Variants in PTPRT observed in about 807,000 individuals in gnomAD.
PTPRT encodes protein tyrosine phosphatase receptor type T, also known as receptor-type tyrosine-protein phosphatase T.
In PTPRT, 56 loss-of-function variants were observed where a neutral mutation model predicts 176.8. The ratio of observed to expected loss-of-function variants is 0.32; its 90% CI spans 0.26 to 0.40. The LOEUF (loss-of-function observed/expected upper bound fraction) is 0.40, where lower values mean the gene tolerates loss of function less well. PTPRT is among the 10% of genes least tolerant of loss of function. The pLI, the probability that PTPRT is intolerant of heterozygous loss-of-function variation, is 1.00. For synonymous variants in PTPRT, 783 were observed against 739.0 expected (o/e 1.06, Z -0.96); for missense variants, 1,540 against 1,908.2 (o/e 0.81, Z 3.60).
intron 27 of PTPRT, among the ~76,000 whole-genome samples, chr20:42,088,416 C>T (rs1018583084): frequency 8.5e-5 from 13 of 152,162 alleles, no homozygotes; most frequent in African/African-American, 3.1e-4. Context: ...CCATCTCACC[C>T]TGAGAAGTCA....
chr20:42,280,112 T>A (rs903271223), intron 13 of PTPRT, among the ~76,000 whole-genome samples: 1 of 151,448 alleles, frequency 6.6e-6, no homozygotes, highest in Non-Finnish European at 1.5e-5. Flanking sequence ...GGAAATTTGA[T>A]CCGGGTGGTC....
At chr20:42,340,160 C>T (rs2058092333) in intron 11 of PTPRT, among the ~76,000 whole-genome samples, 1 of 152,156 alleles carries the variant, frequency 6.6e-6, no homozygotes, top group African/African-American at 2.4e-5. Context: ...AACCAATGAA[C>T]TGAAGCTTTA....
chr20:42,105,396 C>A (rs1281126277), intron 24 of PTPRT, among the ~76,000 whole-genome samples: 4 of 152,102 alleles, frequency 2.6e-5, no homozygotes, highest in African/African-American at 9.7e-5. Flanking sequence ...ATATCTTCTC[C>A]TATCTCAATT....
chr20:42,119,799 C>T (rs1410255203), intron 20 of PTPRT, 136 bp downstream of exon 20: 2 of 742,332 alleles, frequency 2.7e-6, no homozygotes, highest in Non-Finnish European at 4.3e-6. Flanking sequence ...TTCCTCTCCT[C>T]CAGGGCTGTT....
chr20:43,101,860 T>C (rs1329414878), intron 1 of PTPRT, among the ~76,000 whole-genome samples: 2 of 152,220 alleles, frequency 1.3e-5, no homozygotes. Flanking sequence ...AGATTATTGA[T>C]TATCTTCATC....
chr20:42,107,098 C>T (rs1986523402), intron 23 of PTPRT, among the ~76,000 whole-genome samples, 177 bp from the exon 24 acceptor site: 1 of 152,234 alleles, frequency 6.6e-6, no homozygotes, highest in Non-Finnish European at 1.5e-5. Context: ...CACACATATA[C>T]ATGCCATTGC....
intron 7 of PTPRT, among the ~76,000 whole-genome samples, chr20:42,634,121 ATT>A (rs2074541099): frequency 1.7e-5 from 1 of 58,592 alleles, no homozygotes; most frequent in Non-Finnish European, 2.8e-5. Flanking sequence ...AATATAATAT[ATT>A]ATATATATAA....
chr20:42,823,875 A>T (rs185585448), intron 2 of PTPRT, among the ~76,000 whole-genome samples: 1 of 152,104 alleles, frequency 6.6e-6, no homozygotes, highest in East Asian at 1.9e-4. Context: ...CCTAAAAAAA[A>T]CACAAGCATC....
chr20:42,161,261 G>T, intron 17 of PTPRT, 91 bp downstream of exon 17: 1 of 1,458,688 alleles, frequency 6.9e-7, no homozygotes, highest in Non-Finnish European at 9.6e-7. Flanking sequence ...GAGGCTGCTG[G>T]CCAGGGAGCC....
chr20:42,321,079 T>C (rs925844434), intron 11 of PTPRT, among the ~76,000 whole-genome samples: 3 of 152,214 alleles, frequency 2.0e-5, no homozygotes, highest in Non-Finnish European at 2.9e-5. Flanking sequence ...ATCAGAGACC[T>C]ATTTTATCAA....
At chr20:43,023,238 G>A (rs961068713) in intron 1 of PTPRT, among the ~76,000 whole-genome samples, 1 of 152,126 alleles carries the variant, frequency 6.6e-6, no homozygotes, top group Non-Finnish European at 1.5e-5. Flanking sequence ...CCCAAACAAG[G>A]TAGATTGCTC....
intron 2 of PTPRT, among the ~76,000 whole-genome samples, chr20:42,819,337 AG>A (rs1198122932): frequency 6.6e-6 from 1 of 152,202 alleles, no homozygotes; most frequent in Non-Finnish European, 1.5e-5. Context: ...AATCCTTCCC[AG>A]ACAAGCAAAT....
At chr20:42,201,728 G>A (rs929139778) in intron 15 of PTPRT, among the ~76,000 whole-genome samples, 1 of 90,192 alleles carries the variant, frequency 1.1e-5, no homozygotes, top group African/African-American at 5.6e-5. Flanking sequence ...GAGAACCAGA[G>A]GCAAAAAAAA....
In PTPRT at chr20:42,797,796, T is replaced by G. The variant is rs529595089; in HGVS notation, c.215-6330A>C. Reference sequence around the variant, plus strand: ...GGGGCCAGGAGAGTCAGAATCACAGTTGAGGAGCTATCTGAGGAGGCTATG... The same window carrying G: ...GGGGCCAGGAGAGTCAGAATCACAGGTGAGGAGCTATCTGAGGAGGCTATG... On this transcript the variant is annotated intron_variant, in intron 2 of 30. Transcript: ENST00000373187. Among the ~76,000 whole-genome samples, 72 of 152,142 alleles carry G rather than the reference T, an allele frequency of 4.7e-4. 1 individual carries two copies. In the South Asian group the frequency reaches 0.014, roughly 30 times the overall value.
At position 42,373,243 on chromosome 20, in the gene PTPRT, C is replaced by T. The variant is rs144260410; in HGVS notation, c.1561-20958G>A. 8.9e-4 allele frequency among the ~76,000 whole-genome samples: 136 copies of T among 152,278 alleles called. 1 individual carries two copies. The East Asian group carries it at 0.025, about 28-fold the overall frequency. ...GAGTGACTTAGTCAAGGTCATGGAA[C>T]TAATGGTATGCTGCCAGGCTGGGCT... On this transcript the variant is annotated intron_variant, in intron 9 of 30. Coordinates refer to ENST00000373187, the MANE Select transcript of PTPRT (RefSeq NM_007050.6).
chr20:42,474,669 T>G (rs2071256290), intron 7 of PTPRT, among the ~76,000 whole-genome samples: 1 of 152,140 alleles, frequency 6.6e-6, no homozygotes, highest in African/African-American at 2.4e-5. Context: ...GGATTATGAT[T>G]GGTGGGATTA....
rs538256878 is a variant in PTPRT at position 42,270,421 on chromosome 20, T to G, written c.2176+12068A>C. ...CCTGTGGTGAGGAGGCAGAGTGGAG[T>G]CCCCGGGGTCACCTGGGCGCTGCCC... is the stretch of plus-strand genomic sequence containing the variant. On this transcript the variant is annotated intron_variant, in intron 13 of 30. Transcript: ENST00000373187. The G allele has an allele frequency of 4.2e-4, 640 of 1,532,076 alleles. 8 individuals carry two copies. In the South Asian group the frequency reaches 6.8e-3, roughly 16 times the overall value. 94.9% of individuals were successfully genotyped at this position (1,532,076 alleles called of 1,614,324 possible).
chr20:43,184,269 G>C (rs1418281203), intron 1 of PTPRT, among the ~76,000 whole-genome samples: 1 of 152,190 alleles, frequency 6.6e-6, no homozygotes, highest in Non-Finnish European at 1.5e-5. Flanking sequence ...CACACTGGGG[G>C]ACTGCTTCAA....
At chr20:42,310,097 A>G (rs2057604145) in intron 12 of PTPRT, among the ~76,000 whole-genome samples, 1 of 152,194 alleles carries the variant, frequency 6.6e-6, no homozygotes, top group African/African-American at 2.4e-5. Context: ...ACCCTGAATT[A>G]AGACCCCAAA....
Sources: gnomAD v4.1 joint callset for allele counts (sites outside exome capture counted in the v4.1 genomes callset) on GRCh38, gnomAD v4.1.1 for gene constraint, MANE v1.5 for transcripts, NCBI Gene and HGNC (gene_info 2026-07-23, HGNC 2026-07-21) for gene names.